FRMD4A: variants seen among roughly 807,000 people sequenced by gnomAD.
The protein encoded by FRMD4A is FERM domain-containing protein 4A.
Under a neutral mutation model 129.1 loss-of-function variants are expected in FRMD4A, and 29 were observed. The ratio of observed to expected loss-of-function variants is 0.22; its 90% CI spans 0.17 to 0.31. FRMD4A has a LOEUF of 0.31. Among genes scored for constraint, FRMD4A ranks in the 10% least tolerant of loss-of-function variants. The probability of loss-of-function intolerance (pLI) is 1.00; values close to 1 mark genes in which losing one functional copy is unlikely to be tolerated. For missense variants in FRMD4A, 1,272 were observed against 1,375.8 expected, an observed-to-expected ratio of 0.92 and a Z score of 1.19; for synonymous variants, 634 against 571.6, an observed-to-expected ratio of 1.11 and a Z score of -1.56.
chr10:14,218,329 G>A (rs1843138019), intron 2 of FRMD4A, among the ~76,000 whole-genome samples: 2 of 152,192 alleles, frequency 1.3e-5, no homozygotes, highest in African/African-American at 4.8e-5. Context: ...CTTTCATCCA[G>A]TGGGCATAGT....
intron 2 of FRMD4A, among the ~76,000 whole-genome samples, chr10:14,303,464 A>C: frequency 6.6e-6 from 1 of 152,362 alleles, no homozygotes; most frequent in East Asian, 1.9e-4. Context: ...GGTGTGTAAT[A>C]GTTATAATTT....
At chr10:13,962,600 G>T (rs1004172941) in intron 2 of FRMD4A, among the ~76,000 whole-genome samples, 2 of 152,130 alleles carry the variant, frequency 1.3e-5, no homozygotes, top group Non-Finnish European at 2.9e-5. Context: ...TCCACCACAA[G>T]AGACTCCCAA....
At chr10:13,848,810 C>T (rs1014388778) in intron 3 of FRMD4A, among the ~76,000 whole-genome samples, 3 of 152,164 alleles carry the variant, frequency 2.0e-5, no homozygotes, top group Non-Finnish European at 4.4e-5. Context: ...GAAGATGGAT[C>T]GTGTCTCCTC....
rs1284325430 is a variant in FRMD4A, at chr10:14,212,911, G to T, written c.45+117147C>A. ...TCAAGGGTGTGAAGCCCTCGGAGAA[G>T]TCACTTACGGCAAACCACATGCTGG... On this transcript the variant is annotated intron_variant, in intron 2 of 24. Transcript: ENST00000357447. Among the ~76,000 whole-genome samples, 6 of 152,202 alleles carry T rather than the reference G, an allele frequency of 3.9e-5. No individual in the cohort carries two copies. The East Asian group carries it at 1.2e-3, about 29-fold the overall frequency.
At chr10:14,210,137 A>G (rs949653281) in intron 2 of FRMD4A, among the ~76,000 whole-genome samples, 1 of 152,182 alleles carries the variant, frequency 6.6e-6, no homozygotes, top group Non-Finnish European at 1.5e-5. Flanking sequence ...CTGAATGATT[A>G]TATCTCCCCA....
intron 2 of FRMD4A, among the ~76,000 whole-genome samples, chr10:14,077,570 A>T (rs1055425410): frequency 1.3e-5 from 2 of 152,040 alleles, no homozygotes; most frequent in African/African-American, 4.8e-5. Flanking sequence ...ACCCCCTTCC[A>T]TTTGAGTGGT....
chr10:14,185,363 T>C (rs943858965), intron 2 of FRMD4A, among the ~76,000 whole-genome samples: 1 of 152,248 alleles, frequency 6.6e-6, no homozygotes, highest in African/African-American at 2.4e-5. Flanking sequence ...GAGATCTGTG[T>C]GTCTAAACCC....
At chr10:14,279,179 G>A (rs1845437462) in intron 2 of FRMD4A, among the ~76,000 whole-genome samples, 1 of 137,852 alleles carries the variant, frequency 7.3e-6, no homozygotes, top group Admixed American at 7.7e-5. Flanking sequence ...AGGAGGAAGC[G>A]GGATTTTTTT....
intron 2 of FRMD4A, among the ~76,000 whole-genome samples, chr10:13,886,223 C>T (rs981571819): frequency 4.1e-5 from 1 of 24,246 alleles, no homozygotes; most frequent in Admixed American, 6.5e-4. Context: ...CATTACCTGC[C>T]GTTTTTGTTT....
intron 15 of FRMD4A, among the ~76,000 whole-genome samples, chr10:13,678,769 GTTTT>G (rs1364711593): frequency 3.3e-5 from 5 of 152,172 alleles, no homozygotes. Flanking sequence ...ACTAGGCAGT[GTTTT>G]CTTTAAAAAA....
intron 2 of FRMD4A, among the ~76,000 whole-genome samples, chr10:14,001,157 T>A (rs983181167): frequency 2.6e-5 from 4 of 152,198 alleles, no homozygotes; most frequent in African/African-American, 9.6e-5. Flanking sequence ...CAGTGTTGGC[T>A]GCAGGTTGGA....
At chr10:14,126,168 A>ATTT in intron 2 of FRMD4A, among the ~76,000 whole-genome samples, 1 of 89,876 alleles carries the variant, frequency 1.1e-5, no homozygotes, top group Non-Finnish European at 2.3e-5. Context: ...AACCTTGCCC[A>ATTT]CTTTTTTTTT....
At chr10:13,655,672 G>C (rs1389482947) in intron 22 of FRMD4A, 1 of 152,106 alleles carries the variant, frequency 6.6e-6, no homozygotes, top group Non-Finnish European at 1.5e-5. Flanking sequence ...CCCCAAAGAT[G>C]AACCCCCCAT....
chr10:14,262,464 T>C (rs1373979551), intron 2 of FRMD4A, among the ~76,000 whole-genome samples: 1 of 152,192 alleles, frequency 6.6e-6, no homozygotes, highest in East Asian at 1.9e-4. Flanking sequence ...ACCTCTCTTG[T>C]GTGTCGAGGC....
In FRMD4A at chr10:13,896,522, T is replaced by G. The variant is rs117929020; in HGVS notation, c.46-37610A>C. On this transcript the variant is annotated intron_variant, in intron 2 of 24. Coordinates refer to ENST00000357447, the MANE Select transcript of FRMD4A (RefSeq NM_018027.5). ...CATCACACACCAGGGCCTGTCAGGG[T>G]CTGAGGGGCAAGGGGAGGGAAAGCA... Among the ~76,000 whole-genome samples the G allele has an allele frequency of 0.015, 2,288 of 151,738 alleles. 101 individuals carry two copies. The East Asian group carries it at 0.17, about 12-fold the overall frequency.
intron 2 of FRMD4A, among the ~76,000 whole-genome samples, chr10:14,161,713 T>C (rs913337575): frequency 1.3e-4 from 20 of 152,180 alleles, no homozygotes; most frequent in African/African-American, 4.8e-4. Context: ...GGTACAAACC[T>C]ACAGTTGGAT....
chr10:14,147,451 T>G (rs763037422), intron 2 of FRMD4A, among the ~76,000 whole-genome samples: 31 of 152,132 alleles, frequency 2.0e-4, no homozygotes, highest in Non-Finnish European at 3.8e-4. Context: ...TTACCTTTCT[T>G]GTGGGCTTTA....
At chr10:13,759,818 T>TAA (rs967503357) in intron 8 of FRMD4A, among the ~76,000 whole-genome samples, 6 of 152,160 alleles carry the variant, frequency 3.9e-5, no homozygotes, top group African/African-American at 1.4e-4. Context: ...ATTATCTATT[T>TAA]AAAAATTTGA....
At chr10:14,128,923 A>G (rs1232352235) in intron 2 of FRMD4A, among the ~76,000 whole-genome samples, 1 of 152,152 alleles carries the variant, frequency 6.6e-6, no homozygotes, top group Non-Finnish European at 1.5e-5. Context: ...GCACGGATGC[A>G]TGGATGGGTG....
Sources: gnomAD v4.1 joint callset for allele counts (sites outside exome capture counted in the v4.1 genomes callset) on GRCh38, gnomAD v4.1.1 for gene constraint, MANE v1.5 for transcripts, NCBI Gene and HGNC (gene_info 2026-07-23, HGNC 2026-07-21) for gene names.